The following DPYSL3 variants were observed in gnomAD, a reference collection of about 807,000 sequenced individuals.
The protein encoded by DPYSL3 is dihydropyrimidinase-related protein 3.
DPYSL3 carries 16 observed loss-of-function variants against 66.1 expected under a neutral mutation model. That is an observed-to-expected ratio of 0.24 (90% confidence interval 0.16 to 0.37). The LOEUF is 0.37. DPYSL3 is among the 10% of genes least tolerant of loss of function. DPYSL3 has a pLI of 1.00. For synonymous variants in DPYSL3, 338 were observed against 345.1 expected (o/e 0.98, Z 0.23); for missense variants, 738 against 916.2 (o/e 0.81, Z 2.51).
rs1758146122 is a variant in DPYSL3 at position 147,400,714 on chromosome 5, G to C, written c.1430C>G (p.Ser477Cys). Residue 477 changes from serine to cysteine, a missense_variant, in exon 10 of 14, where the codon TCT becomes TGT. Physicochemically the swap from Ser to Cys is moderately radical, Grantham distance 112 (BLOSUM62 -1). Coordinates refer to ENST00000343218, the MANE Select transcript of DPYSL3 (RefSeq NM_001197294.2). ...TACCACAGCCTTGTCCCAGATGACA[G>C]ACATCCGCTCCTCCACACCATTGGT... is the stretch of plus-strand genomic sequence containing the variant. ...EGTNGVEERM[S>C]VIWDKAVATG... The C allele has an allele frequency of 1.9e-6, 3 of 1,613,970 alleles. No individual in the cohort carries two copies. The highest frequency in any genetic ancestry group is 2.2e-5 in the East Asian group (1 of 44,886).
At chr5:147,405,521 G>C in intron 8 of DPYSL3, 89 bp downstream of exon 8, 1 of 1,471,028 alleles carries the variant, frequency 6.8e-7, no homozygotes, top group Non-Finnish European at 9.0e-7. Context: ...GAGCAAAGTA[G>C]GCACCATTTA....
chr5:147,475,664 A>G (rs1009738046), intron 1 of DPYSL3, among the ~76,000 whole-genome samples: 2 of 152,174 alleles, frequency 1.3e-5, no homozygotes, highest in African/African-American at 4.8e-5. Flanking sequence ...AAACTAAATT[A>G]CAGAATAAAT....
At chr5:147,484,112 C>A (rs530762402) in intron 1 of DPYSL3, among the ~76,000 whole-genome samples, 80 of 152,306 alleles carry the variant, frequency 5.3e-4, no homozygotes, top group Non-Finnish European at 1.1e-3. Context: ...ACCAGGTTCC[C>A]GGCAAGTAAC....
chr5:147,405,708 C>T lies in DPYSL3; in HGVS notation c.1055G>A (p.Arg352His), dbSNP rs751363047. 3.7e-6 allele frequency: 6 copies of T among 1,613,324 alleles called. No homozygotes were observed. The highest frequency in any genetic ancestry group is 1.1e-5 in the South Asian group (1 of 90,986). Reference protein sequence around the residue: ...PEELEAEAVFRAITIASQTNC... With the variant: ...PEELEAEAVFHAITIASQTNC... ...GGTTTGGCTGGCAATGGTGATGGCA[C>T]GGAACACAGCCTCAGCTTCCAGCTG... The change falls in exon 8 of 14, where the codon CGT becomes CAT. Residue 352 changes from arginine (R) to histidine (H), a missense_variant. By Grantham distance (29) the Arg-to-His change is conservative. Transcript: ENST00000343218.
intron 1 of DPYSL3, among the ~76,000 whole-genome samples, chr5:147,448,346 C>G (rs1399572922): frequency 1.3e-5 from 2 of 152,112 alleles, no homozygotes; most frequent in Non-Finnish European, 2.9e-5. Context: ...TGGCCTGTGT[C>G]GGACTGTCAG....
At chr5:147,500,540 G>A (rs1219009557) in intron 1 of DPYSL3, among the ~76,000 whole-genome samples, 2 of 151,514 alleles carry the variant, frequency 1.3e-5, no homozygotes, top group African/African-American at 4.9e-5. Flanking sequence ...CTTGAACCTG[G>A]GAGATAGAGA....
At chr5:147,459,695 G>A (rs1040858671) in intron 1 of DPYSL3, among the ~76,000 whole-genome samples, 4 of 151,994 alleles carry the variant, frequency 2.6e-5, no homozygotes, top group Admixed American at 1.3e-4. Flanking sequence ...GCAATCCTAC[G>A]TCTCTCTAGA....
intron 1 of DPYSL3, among the ~76,000 whole-genome samples, chr5:147,486,653 T>A (rs1746447305): frequency 1.3e-5 from 2 of 152,178 alleles, no homozygotes; most frequent in African/African-American, 4.8e-5. Flanking sequence ...CCTAATAGAT[T>A]TCTGACTGCT....
intron 4 of DPYSL3, among the ~76,000 whole-genome samples, chr5:147,415,165 A>G (rs1382847620): frequency 1.3e-5 from 2 of 152,182 alleles, no homozygotes; most frequent in Non-Finnish European, 2.9e-5. Flanking sequence ...ATACATATAC[A>G]TGAACATGTT....
rs1044083778 is a variant in DPYSL3, at chr5:147,424,766, GATTAA to G, written c.470+104_470+108del. 1.8e-5 allele frequency: 15 copies of G among 829,654 alleles called. No individual in the cohort carries two copies. In the African/African-American group the frequency reaches 2.6e-4, roughly 14 times the overall value. 51.4% of individuals were successfully genotyped at this position (829,654 alleles called of 1,614,324 possible). ...CCTCAGTATCTCACTTCATTCTGTT[GATTAA>G]ATTAAGATTTTTTTCACTACATTCA... On this transcript the variant is annotated intron_variant, in intron 2 of 13. Transcript: ENST00000343218.
intron 1 of DPYSL3, among the ~76,000 whole-genome samples, chr5:147,454,907 C>G (rs1561794886): frequency 1.3e-5 from 2 of 152,090 alleles, no homozygotes; most frequent in East Asian, 3.9e-4. Context: ...CCTCAACTCT[C>G]ACGACAAATA....
intron 1 of DPYSL3, among the ~76,000 whole-genome samples, chr5:147,458,887 G>A (rs922204210): frequency 2.6e-4 from 39 of 152,216 alleles, no homozygotes; most frequent in African/African-American, 9.4e-4. Flanking sequence ...ATAAAGGACA[G>A]TGAACATACT....
chr5:147,477,784 T>C (rs1026804956), intron 1 of DPYSL3, among the ~76,000 whole-genome samples: 1 of 151,088 alleles, frequency 6.6e-6, no homozygotes, highest in South Asian at 2.1e-4. Context: ...GGGTTTCACC[T>C]TGTTAGCCAG....
rs148142591 is a variant in DPYSL3 at position 147,476,447 on chromosome 5, G to A, written c.381+33031C>T. ...ATGCATATTTAGGAGTAAAAACAAG[G>A]GAAATGAAGACAAAAATAAGCAGGA... On this transcript the variant is annotated intron_variant, in intron 1 of 13. Transcript: ENST00000343218. Among the ~76,000 whole-genome samples, 507 of 152,118 alleles carry A rather than the reference G, an allele frequency of 3.3e-3. 5 individuals carry two copies. Among genetic ancestry groups the A allele is most frequent in the Non-Finnish European group, 2.8e-3 (189 of 67,974 alleles).
chr5:147,467,784 C>T (rs760400942), intron 1 of DPYSL3, among the ~76,000 whole-genome samples: 4 of 152,142 alleles, frequency 2.6e-5, no homozygotes, highest in South Asian at 2.1e-4. Flanking sequence ...TCTTAGACTG[C>T]GTAATGTACA....
chr5:147,397,793 A>T lies in DPYSL3; in HGVS notation c.1676T>A (p.Val559Asp), dbSNP rs202141552. Residue 559 changes from valine to aspartate, a missense_variant, in exon 12 of 14, where the codon GTT becomes GAT. Transcript: ENST00000343218. ...EGMELRGAPL[V>D]VICQGKIMLE... is the part of the protein sequence containing the mutation. ...CATGATCTTGCCCTGGCAGATGACA[A>T]CCAGAGGAGCCCCGCGCAGCTCCAT... 2.5e-6 allele frequency: 4 copies of T among 1,614,040 alleles called. No individual in the cohort carries two copies. Among genetic ancestry groups the T allele is most frequent in the Non-Finnish European group, 3.4e-6 (4 of 1,180,008 alleles).
At chr5:147,479,818 A>C (rs867625967) in intron 1 of DPYSL3, among the ~76,000 whole-genome samples, 1 of 152,190 alleles carries the variant, frequency 6.6e-6, no homozygotes, top group African/African-American at 2.4e-5. Context: ...ACTACACAGA[A>C]ATCAGGCTTA....
chr5:147,454,949 AAG>A (rs1752818142), intron 1 of DPYSL3, among the ~76,000 whole-genome samples: 1 of 152,278 alleles, frequency 6.6e-6, no homozygotes, highest in South Asian at 2.1e-4. Context: ...GAACCAAAAA[AAG>A]ACTTGCTATG....
At chr5:147,463,966 A>G (rs1448242259) in intron 1 of DPYSL3, among the ~76,000 whole-genome samples, 1 of 152,130 alleles carries the variant, frequency 6.6e-6, no homozygotes, top group Non-Finnish European at 1.5e-5. Context: ...GGGCTTAAGG[A>G]GTGTCTCATT....
Sources: allele counts gnomAD v4.1 joint callset (sites outside exome capture counted in the v4.1 genomes callset), GRCh38; gene constraint gnomAD v4.1.1; transcripts MANE v1.5; gene names NCBI Gene and HGNC (gene_info 2026-07-23, HGNC 2026-07-21).